The following TRIM27 variants were observed in gnomAD, a reference collection of about 807,000 sequenced individuals.
TRIM27 encodes the protein tripartite motif containing 27, also known as zinc finger protein RFP.
In TRIM27, 12 loss-of-function variants were observed where a neutral mutation model predicts 57.6. The observed-to-expected ratio is 0.21, with a 90% confidence interval of 0.13 to 0.34. The LOEUF is 0.34. Among genes scored for constraint, TRIM27 ranks in the 10% least tolerant of loss-of-function variants. The pLI, the probability that TRIM27 is intolerant of heterozygous loss-of-function variation, is 1.00. For missense variants in TRIM27, 403 were observed against 656.8 expected (o/e 0.61, Z 4.22); for synonymous variants, 266 against 259.0 (o/e 1.03, Z -0.26).
At position 28,923,144 on chromosome 6, in the gene TRIM27, G is replaced by C. The variant is rs1163522769; in HGVS notation, c.420+69C>G. 9 of 1,439,582 alleles carry C rather than the reference G, an allele frequency of 6.3e-6. No homozygotes were observed. The East Asian group carries it at 2.3e-4, about 36-fold the overall frequency. The allele number at this position is 1,439,582 out of a possible 1,614,324, so 89.2% of individuals were successfully genotyped here. On this transcript the variant is annotated intron_variant, in intron 1 of 7. Transcript: ENST00000377199. ...CAGCCATTTTCTAGGCGGAAAAAAG[G>C]AAGCCCCTTTGGCTCTCTCCTCCCT...
intron 3 of TRIM27, 80 bp downstream of exon 3, chr6:28,919,932 G>A: frequency 7.6e-7 from 1 of 1,318,316 alleles, no homozygotes. Context: ...GAAGACAGGG[G>A]GTCCTGGATA....
Position 28,909,046 on chromosome 6 carries a change from T to C in TRIM27, c.813A>G (p.Pro271=). 1 of 1,614,178 alleles carries C rather than the reference T, an allele frequency of 6.2e-7. No homozygotes were observed. The highest frequency in any genetic ancestry group is 1.3e-5 in the African/African-American group (1 of 75,062). Residue 271 remains proline, a synonymous_variant, in exon 5 of 8, where the codon CCA becomes CCG. Coordinates refer to ENST00000377199, the MANE Select transcript of TRIM27 (RefSeq NM_006510.5). The part of the protein sequence containing the change: ...IRIPEPWITP[P]DLQEKIHIFA... ...AAATGTGGATTTTCTCTTGCAAATC[T>C]GGAGGTGTGATCCAAGGTTCAGGAA...
intron 6 of TRIM27, chr6:28,907,550 T>C: frequency 1.5e-6 from 1 of 651,242 alleles, no homozygotes; most frequent in Non-Finnish European, 2.9e-6. Flanking sequence ...CACCTTCCAG[T>C]GAGTCAGCTG....
intron 7 of TRIM27, chr6:28,906,852 G>C (rs1342181118): frequency 5.4e-6 from 1 of 184,458 alleles, no homozygotes; most frequent in African/African-American, 2.3e-5. Flanking sequence ...ACTTCCTCTA[G>C]CACTCAAGAG....
At chr6:28,919,861 T>G in intron 3 of TRIM27, 151 bp downstream of exon 3, 1 of 660,706 alleles carries the variant, frequency 1.5e-6, no homozygotes, top group East Asian at 2.7e-5. Context: ...TTACACAGTT[T>G]CCTTCCAAGG....
At chr6:28,911,424 C>T (rs1773203497) in intron 4 of TRIM27, 2 of 412,256 alleles carry the variant, frequency 4.9e-6, no homozygotes, top group South Asian at 1.4e-4. Context: ...ATATTCAGCC[C>T]AGGTCCCTGT....
chr6:28,920,302 T>G (rs916915714), intron 2 of TRIM27, 60 bp from the exon 3 acceptor site: 1 of 1,431,598 alleles, frequency 7.0e-7, no homozygotes, highest in East Asian at 2.3e-5. Flanking sequence ...AGGGCCTTCA[T>G]AGTTCTCCTG....
intron 6 of TRIM27, chr6:28,908,553 GAT>G: frequency 2.8e-6 from 1 of 357,644 alleles, no homozygotes; most frequent in Non-Finnish European, 4.5e-6. Flanking sequence ...ATTCTGGATT[GAT>G]TAATTTTTGG....
chr6:28,904,587 T>G lies in TRIM27; in HGVS notation c.1025A>C (p.Tyr342Ser). Residue 342 changes from tyrosine to serine, a missense_variant, in exon 8 of 8, where the codon TAC (tyrosine) becomes TCC (serine). Physicochemically the swap from Tyr to Ser is moderately radical, Grantham distance 144. Coordinates refer to ENST00000377199, the MANE Select transcript of TRIM27 (RefSeq NM_006510.5). This position sits in a 1 kb window ranked among gnomAD's most constrained non-coding sequence, Gnocchi z 6.1. ...GTTGTCAGGCAGGTCCTGTTGGAGG[T>G]AACTGTACCGCACTTGCCGCAGATT... The part of the protein sequence containing the change: ...SDNLRQVRYS[Y>S]LQQDLPDNPE... 6.2e-7 allele frequency: 1 copy of G among 1,607,862 alleles called. No individual in the cohort carries two copies. The highest frequency in any genetic ancestry group is 8.5e-7 in the Non-Finnish European group (1 of 1,179,986).
At chr6:28,923,144 G>A (rs1163522769) in intron 1 of TRIM27, 69 bp downstream of exon 1, 3 of 1,439,582 alleles carry the variant, frequency 2.1e-6, no homozygotes, top group African/African-American at 1.4e-5. Flanking sequence ...CGGAAAAAAG[G>A]AAGCCCCTTT....
chr6:28,907,479 G>A, intron 6 of TRIM27: 1 of 709,058 alleles, frequency 1.4e-6, no homozygotes, highest in Admixed American at 2.0e-5. Context: ...TAAGTACAGG[G>A]ATAACCACAT....
rs1259833637 is a variant in TRIM27 at position 28,923,712 on chromosome 6, C to G, written c.-80G>C. 1.4e-6 allele frequency: 2 copies of G among 1,404,338 alleles called. No individual in the cohort carries two copies. Among genetic ancestry groups the G allele is most frequent in the Non-Finnish European group, 1.9e-6 (2 of 1,062,818 alleles). 87.0% of individuals were successfully genotyped at this position (1,404,338 alleles called of 1,614,324 possible). A position where few individuals can be genotyped will look rare whatever the true frequency, so the allele number is the denominator to read the frequency against. On this transcript the variant is annotated 5_prime_UTR_variant, in exon 1 of 8. Coordinates refer to ENST00000377199, the MANE Select transcript of TRIM27 (RefSeq NM_006510.5). The stretch of plus-strand genomic sequence containing the variant: ...GAGCCCAACTCTCCGGCGCTCTCTC[C>G]GGTTCGCTGTTCCTGAGAGGCACCG...
At chr6:28,912,462 C>T (rs1224777471) in intron 3 of TRIM27, among the ~76,000 whole-genome samples, 5 of 151,142 alleles carry the variant, frequency 3.3e-5, no homozygotes, top group East Asian at 1.9e-4. Flanking sequence ...CGGTGGCTCA[C>T]GCCTGGGCAA....
chr6:28,909,708 G>C (rs1258923118), intron 4 of TRIM27, among the ~76,000 whole-genome samples: 2 of 152,176 alleles, frequency 1.3e-5, no homozygotes, highest in Non-Finnish European at 2.9e-5. Context: ...TTTATGGTGG[G>C]CAATTAACCC....
intron 3 of TRIM27, among the ~76,000 whole-genome samples, chr6:28,917,233 G>C (rs941233204): frequency 1.3e-5 from 2 of 152,070 alleles, no homozygotes; most frequent in African/African-American, 4.8e-5. Flanking sequence ...TGCTTACTCA[G>C]TGCCCACGCC....
intron 6 of TRIM27, chr6:28,907,753 A>G: frequency 2.6e-6 from 1 of 387,620 alleles, no homozygotes. Context: ...AAGACTTTTA[A>G]GTGGCAAGAA....
At chr6:28,923,191 C>G in intron 1 of TRIM27, 22 bp downstream of exon 1, 2 of 1,529,224 alleles carry the variant, frequency 1.3e-6, no homozygotes, top group Non-Finnish European at 1.8e-6. Context: ...GCGCTCCCGC[C>G]CTCCCGGATC....
At position 28,908,420 on chromosome 6, in the gene TRIM27, C is replaced by T. The variant is rs115219405; in HGVS notation, c.919+388G>A. On this transcript the variant is annotated intron_variant, in intron 6 of 7. Transcript: ENST00000377199. ...TCAGTGCTGCTGGATTCCTCCAGCCCGAGCTGGCACCTGTGCCCACAAGCA... is the reference window on the plus strand; with the variant it reads ...TCAGTGCTGCTGGATTCCTCCAGCCTGAGCTGGCACCTGTGCCCACAAGCA... The T allele has an allele frequency of 6.0e-3, 1,186 of 196,556 alleles. 17 individuals are homozygous for T. The highest frequency in any genetic ancestry group is 0.026 in the African/African-American group (1,101 of 42,746). The allele number at this position is 196,556 out of a possible 1,614,324, so 12.2% of individuals were successfully genotyped here.
At position 28,904,954 on chromosome 6, in the gene TRIM27, C is replaced by G. The variant is rs1035884955; in HGVS notation, c.947-289G>C. ...AAGAGATAGGGTCTTGCTCTGTTGC[C>G]TAGGCTGGAGCGCAGTGGTGTGGTC... On this transcript the variant is annotated intron_variant, in intron 7 of 7. Coordinates refer to ENST00000377199, the MANE Select transcript of TRIM27 (RefSeq NM_006510.5). This position sits in a 1 kb window ranked among gnomAD's most constrained non-coding sequence, Gnocchi z 6.1. The G allele has an allele frequency of 9.1e-6, 4 of 437,314 alleles. No homozygotes were observed. Among genetic ancestry groups the G allele is most frequent in the Non-Finnish European group, 1.6e-5 (4 of 244,716 alleles). 27.1% of individuals were successfully genotyped at this position (437,314 alleles called of 1,614,324 possible). A position where few individuals can be genotyped will look rare whatever the true frequency, so the allele number is the denominator to read the frequency against.
Sources: allele counts gnomAD v4.1 joint callset (sites outside exome capture counted in the v4.1 genomes callset), GRCh38; gene constraint gnomAD v4.1.1; non-coding constraint Gnocchi (gnomAD v3.1); transcripts MANE v1.5; gene names NCBI Gene and HGNC (gene_info 2026-07-23, HGNC 2026-07-21).